The following FAP variants were observed in gnomAD, a reference collection of about 807,000 sequenced individuals.
FAP encodes fibroblast activation protein alpha, also known as prolyl endopeptidase FAP.
FAP carries 110 observed loss-of-function variants against 126.5 expected under a neutral mutation model. The observed-to-expected ratio is 0.87, with a 90% CI of 0.74 to 1.02. The LOEUF is 1.02. Among genes scored for constraint, FAP ranks in the 50% least tolerant of loss-of-function variants. The pLI is 0.00. For missense variants in FAP, 919 were observed against 909.2 expected, an observed-to-expected ratio of 1.01 and a Z score of -0.14; for synonymous variants, 334 against 297.3, an observed-to-expected ratio of 1.12 and a Z score of -1.27.
At position 162,203,187 on chromosome 2, in the gene FAP, A is replaced by G; in HGVS notation, c.1048-42T>C. The G allele has an allele frequency of 3.0e-6, 4 of 1,319,642 alleles. No individual in the cohort carries two copies. The African/African-American group carries it at 4.4e-5, about 15-fold the overall frequency. 81.7% of individuals were successfully genotyped at this position (1,319,642 alleles called of 1,614,324 possible). On this transcript the variant is annotated intron_variant, in intron 12 of 25. Transcript: ENST00000188790. Reference sequence around the variant, plus strand: ...GAGGTTATGTTCAAAAGACAAACCAAACTAAAACCATAGATTTTGTTTTAA... The same window carrying G: ...GAGGTTATGTTCAAAAGACAAACCAGACTAAAACCATAGATTTTGTTTTAA...
At chr2:162,221,752 G>A (rs1328911253) in intron 6 of FAP, 2 of 456,602 alleles carry the variant, frequency 4.4e-6, no homozygotes, top group Non-Finnish European at 8.8e-6. Context: ...AAAGGCGAGG[G>A]AGGATGCTTT....
intron 2 of FAP, among the ~76,000 whole-genome samples, chr2:162,235,757 T>C (rs1230902935): frequency 2.6e-5 from 4 of 152,050 alleles, no homozygotes; most frequent in East Asian, 1.9e-4. Context: ...ACTGTGGAAG[T>C]CTTGTTCTTT....
intron 16 of FAP, chr2:162,197,549 A>G (rs1427664401): frequency 6.6e-6 from 3 of 456,524 alleles, no homozygotes; most frequent in African/African-American, 4.0e-5. Flanking sequence ...ACATTTTATG[A>G]AAGTGTTATT....
At chr2:162,213,866 A>T in intron 11 of FAP, 72 bp downstream of exon 11, 1 of 1,437,864 alleles carries the variant, frequency 7.0e-7, no homozygotes, top group South Asian at 1.6e-5. Flanking sequence ...ATAAAATGTT[A>T]GCTATGGATG....
chr2:162,239,720 AAAAT>A (rs1433752043), intron 2 of FAP, among the ~76,000 whole-genome samples: 1 of 152,218 alleles, frequency 6.6e-6, no homozygotes, highest in Non-Finnish European at 1.5e-5. Context: ...TTTTAGAAAA[AAAAT>A]AACTAACATT....
intron 17 of FAP, chr2:162,193,564 T>C (rs1455462717): frequency 6.6e-6 from 1 of 152,178 alleles, no homozygotes; most frequent in South Asian, 2.1e-4. Flanking sequence ...TATATGCTAA[T>C]AGTGATTTCT....
intron 20 of FAP, 30 bp from the exon 21 acceptor site, chr2:162,183,498 G>T: frequency 7.5e-7 from 1 of 1,341,834 alleles, no homozygotes; most frequent in Non-Finnish European, 1.1e-6. Context: ...TTTTTAGAAT[G>T]TTAAGTGTAT....
intron 16 of FAP, 134 bp downstream of exon 16, chr2:162,198,623 C>T (rs1365974443): frequency 1.1e-5 from 13 of 1,154,530 alleles, no homozygotes; most frequent in Non-Finnish European, 1.4e-5. Flanking sequence ...AATTTTTTTT[C>T]TATAAGCACA....
chr2:162,228,246 T>C (rs1689742723), intron 2 of FAP, among the ~76,000 whole-genome samples: 2 of 152,150 alleles, frequency 1.3e-5, no homozygotes, highest in Admixed American at 1.3e-4. Context: ...TGGTTTTTGG[T>C]AAGTAGATCT....
chr2:162,192,694 G>A (rs1688094106), intron 17 of FAP, among the ~76,000 whole-genome samples: 1 of 152,004 alleles, frequency 6.6e-6, no homozygotes, highest in South Asian at 2.1e-4. Context: ...GCTCCACTTA[G>A]GTATCTCATC....
At chr2:162,227,258 A>G (rs1024134427) in intron 2 of FAP, among the ~76,000 whole-genome samples, 2 of 152,198 alleles carry the variant, frequency 1.3e-5, no homozygotes, top group Admixed American at 1.3e-4. Context: ...CCCTTGATCT[A>G]TGCAAAATAT....
intron 24 of FAP, 44 bp downstream of exon 24, chr2:162,173,105 C>T (rs779957883): frequency 6.5e-7 from 1 of 1,540,580 alleles, no homozygotes; most frequent in Non-Finnish European, 9.0e-7. Context: ...CAAAGTGATG[C>T]TGGCTCAGTA....
At chr2:162,201,646 C>G (rs1254618679) in intron 14 of FAP, among the ~76,000 whole-genome samples, 1 of 152,130 alleles carries the variant, frequency 6.6e-6, no homozygotes, top group East Asian at 1.9e-4. Context: ...CTGACAGTCT[C>G]CCTTCACCAG....
chr2:162,234,926 G>A (rs184641782), intron 2 of FAP, among the ~76,000 whole-genome samples: 1,655 of 152,284 alleles, frequency 0.011, 17 homozygotes, highest in Non-Finnish European at 0.017. Flanking sequence ...CTGGGTGGGC[G>A]TGGGCTTGGT....
At chr2:162,230,564 G>C (rs146229029) in intron 2 of FAP, among the ~76,000 whole-genome samples, 2 of 149,890 alleles carry the variant, frequency 1.3e-5, no homozygotes, top group African/African-American at 4.9e-5. Context: ...TTTTGTGTTC[G>C]CTTGTTTTGA....
At chr2:162,198,233 T>C in intron 16 of FAP, 1 of 1,289,820 alleles carries the variant, frequency 7.8e-7, no homozygotes, top group Non-Finnish European at 1.0e-6. Flanking sequence ...CCATTGAAAC[T>C]ACAGTTTGAG....
Position 162,189,177 on chromosome 2 carries a change from G to A in FAP, c.1550-5C>T, listed in dbSNP as rs1200205878. 3 of 1,575,520 alleles carry A rather than the reference G, an allele frequency of 1.9e-6. No homozygotes were observed. Among genetic ancestry groups the A allele is most frequent in the African/African-American group, 1.4e-5 (1 of 73,136 alleles). ...GAATCATCTTGTACCATAAAGCTTT[G>A]AGGAAAAAAAAAGGAGAAAAATCTT... On this transcript the variant is annotated splice_region_variant and splice_polypyrimidine_tract_variant and intron_variant, in intron 18 of 25. Transcript: ENST00000188790.
At chr2:162,189,621 A>G (rs1019553571) in intron 18 of FAP, 35 bp downstream of exon 18, 5 of 1,192,482 alleles carry the variant, frequency 4.2e-6, no homozygotes, top group Non-Finnish European at 6.1e-6. Flanking sequence ...GCTCAGCTTC[A>G]TATCTATAAA....
Position 162,219,202 on chromosome 2 carries a change from G to A in FAP, c.487-19C>T, listed in dbSNP as rs746452363. Reference sequence around the variant, plus strand: ...CATATGCCTAAAAGTGGTGGTAAGGGGAAATTCCACAACAAATTAAATGAA... The same window carrying A: ...CATATGCCTAAAAGTGGTGGTAAGGAGAAATTCCACAACAAATTAAATGAA... On this transcript the variant is annotated intron_variant, in intron 7 of 25. Transcript: ENST00000188790. 3.3e-5 allele frequency: 53 copies of A among 1,593,544 alleles called. No homozygotes were observed. The highest frequency in any genetic ancestry group is 4.4e-5 in the Non-Finnish European group (52 of 1,170,420).
Sources: gnomAD v4.1 joint callset for allele counts (sites outside exome capture counted in the v4.1 genomes callset) on GRCh38, gnomAD v4.1.1 for gene constraint, MANE v1.5 for transcripts, NCBI Gene and HGNC (gene_info 2026-07-23, HGNC 2026-07-21) for gene names.